The following ZNF232 variants were observed in gnomAD, a reference collection of about 807,000 sequenced individuals.
The protein encoded by ZNF232 is zinc finger and SCAN domain-containing protein 11.
In ZNF232, 25 loss-of-function variants were observed where a neutral mutation model predicts 25.2. The ratio of observed to expected loss-of-function variants is 0.99; its 90% CI spans 0.72 to 1.39. The LOEUF (loss-of-function observed/expected upper bound fraction) is 1.39. Ranked by LOEUF, ZNF232 falls within the 40% of genes most tolerant of loss-of-function variation. ZNF232 has a pLI of 0.00. For missense variants in ZNF232, 519 were observed against 520.9 expected, an observed-to-expected ratio of 1.00 and a Z score of 0.04; for synonymous variants, 193 against 182.9, an observed-to-expected ratio of 1.06 and a Z score of -0.45.
intron 1 of ZNF232, among the ~76,000 whole-genome samples, chr17:5,121,970 A>G (rs1319841700): frequency 1.3e-5 from 2 of 152,140 alleles, no homozygotes; most frequent in Non-Finnish European, 2.9e-5. Flanking sequence ...ATGGGGAGCC[A>G]TGGAGGGATT....
chr17:5,107,051 C>G (rs896126541), intron 3 of ZNF232, among the ~76,000 whole-genome samples: 3 of 151,902 alleles, frequency 2.0e-5, no homozygotes, highest in Non-Finnish European at 4.4e-5. Context: ...TCCCTGCCTC[C>G]TATCTGCTTG....
At chr17:5,120,451 G>A (rs1449891691) in intron 1 of ZNF232, among the ~76,000 whole-genome samples, 1 of 152,188 alleles carries the variant, frequency 6.6e-6, no homozygotes, top group Non-Finnish European at 1.5e-5. Flanking sequence ...AGCCCTGTAT[G>A]TTTGAGTAAT....
chr17:5,118,472 G>C (rs559898713), intron 1 of ZNF232, among the ~76,000 whole-genome samples: 1 of 152,264 alleles, frequency 6.6e-6, no homozygotes, highest in Non-Finnish European at 1.5e-5. Context: ...GGGGGTGCCT[G>C]TGATCCCAAA....
At chr17:5,111,896 C>G, upstream of ZNF232, 1 of 1,593,634 alleles carries the variant, frequency 6.3e-7, no homozygotes, top group Non-Finnish European at 8.6e-7. Context: ...CAGGTCGCAG[C>G]CTCGGCCTCC....
upstream of ZNF232, chr17:5,115,153 G>A (rs1178699098): frequency 2.1e-5 from 3 of 142,232 alleles, no homozygotes; most frequent in African/African-American, 7.7e-5. Flanking sequence ...GCATCAGGAC[G>A]TCTCATTTTA....
chr17:5,118,075 A>C (rs1481381829), intron 1 of ZNF232: 1 of 152,224 alleles, frequency 6.6e-6, no homozygotes, highest in African/African-American at 2.4e-5. Flanking sequence ...TCTCAAAAAA[A>C]AAAAAAAAAT....
chr17:5,106,558 T>TA, intron 3 of ZNF232, 25 bp from the exon 4 acceptor site: 1 of 1,537,658 alleles, frequency 6.5e-7, no homozygotes, highest in South Asian at 1.2e-5. Flanking sequence ...AAATGACACT[T>TA]AGATTAAAAT....
chr17:5,116,619 G>C (rs1002185687), upstream of ZNF232: 5 of 152,296 alleles, frequency 3.3e-5, no homozygotes, highest in Non-Finnish European at 5.9e-5. Flanking sequence ...GGTCTGTCAG[G>C]AAAGGCGGGC....
intron 1 of ZNF232, chr17:5,121,287 G>A (rs1019879816): frequency 1.3e-4 from 47 of 358,376 alleles, no homozygotes; most frequent in Non-Finnish European, 2.5e-4. Context: ...AGAGGCCAGG[G>A]AGGGGCTAGG....
intron 1 of ZNF232, 74 bp downstream of exon 1, chr17:5,111,726 G>A: frequency 6.2e-7 from 1 of 1,610,312 alleles, no homozygotes; most frequent in South Asian, 1.1e-5. Context: ...TCACTGCAGA[G>A]CCGCCGCTGC....
upstream of ZNF232, chr17:5,112,144 G>T (rs113722496): frequency 2.2e-6 from 1 of 449,194 alleles, no homozygotes; most frequent in Non-Finnish European, 3.8e-6. Flanking sequence ...CATCAAGTTT[G>T]GGGGGTCTCT....
chr17:5,115,418 G>A (rs1273188591), upstream of ZNF232, among the ~76,000 whole-genome samples: 1 of 152,076 alleles, frequency 6.6e-6, no homozygotes, highest in Non-Finnish European at 1.5e-5. Flanking sequence ...TGGCGTGGTG[G>A]GGGGCGCCTG....
chr17:5,109,720 C>T, exon 2 of ZNF232: 1 of 1,614,068 alleles, frequency 6.2e-7, no homozygotes, highest in South Asian at 1.1e-5. Flanking sequence ...CAAGACTGTT[C>T]CTCTTCCTTT....
rs373726186 is a variant in ZNF232 at position 5,110,865 on chromosome 17, T to C, written c.23+935A>G. 4.6e-5 allele frequency among the ~76,000 whole-genome samples: 7 copies of C among 152,252 alleles called. No individual in the cohort carries two copies. The East Asian group carries it at 1.4e-3, about 29-fold the overall frequency. On this transcript the variant is annotated intron_variant, in intron 1 of 3. Transcript: ENST00000575898. ...GCTCGCACTTTTACCAAAGAGGGTT[T>C]TGAGGGCTTCAATTTAATGGGGAGA...
chr17:5,122,667 G>C (rs2072723692), intron 1 of ZNF232, among the ~76,000 whole-genome samples: 1 of 152,156 alleles, frequency 6.6e-6, no homozygotes, highest in African/African-American at 2.4e-5. Context: ...ACACAGCTCC[G>C]CCCTTCCCGG....
intron 1 of ZNF232, among the ~76,000 whole-genome samples, chr17:5,117,534 C>A (rs2072564634): frequency 1.4e-5 from 2 of 148,110 alleles, no homozygotes; most frequent in Non-Finnish European, 3.0e-5. Flanking sequence ...AAAAAAAAAG[C>A]TCAATAAATA....
chr17:5,112,002 C>G, upstream of ZNF232: 1 of 914,328 alleles, frequency 1.1e-6, no homozygotes, highest in South Asian at 1.8e-5. Context: ...GGAACCGGTT[C>G]CTGGACTTGA....
At chr17:5,115,456 C>A (rs553333233), upstream of ZNF232, among the ~76,000 whole-genome samples, 72 of 152,048 alleles carry the variant, frequency 4.7e-4, 1 homozygote, top group Admixed American at 3.9e-4. Context: ...GAGGCTGAGG[C>A]GGGACAACAG....
intron 3 of ZNF232, among the ~76,000 whole-genome samples, chr17:5,107,798 G>A (rs186738130): frequency 6.6e-6 from 1 of 152,230 alleles, no homozygotes; most frequent in African/African-American, 2.4e-5. Flanking sequence ...GCCTCCCAAA[G>A]TGCTGGGATT....
Sources: allele counts gnomAD v4.1 joint callset (sites outside exome capture counted in the v4.1 genomes callset), GRCh38; gene constraint gnomAD v4.1.1; transcripts MANE v1.5; gene names NCBI Gene and HGNC (gene_info 2026-07-23, HGNC 2026-07-21).